The following KEAP1 variants were observed in gnomAD, a reference collection of about 807,000 sequenced individuals.
KEAP1 encodes kelch like ECH associated protein 1.
KEAP1 carries 26 observed loss-of-function variants against 59.7 expected under a neutral mutation model. The ratio of observed to expected loss-of-function variants is 0.44; its 90% CI spans 0.32 to 0.60. The LOEUF is 0.60. Ranked by LOEUF, KEAP1 falls within the 20% of genes least tolerant of loss-of-function variation. KEAP1 has a pLI of 0.06. For synonymous variants in KEAP1, 350 were observed against 358.3 expected, an observed-to-expected ratio of 0.98 and a Z score of 0.26; for missense variants, 539 against 871.4, an observed-to-expected ratio of 0.62 and a Z score of 4.80.
Position 10,495,922 on chromosome 19 carries a change from C to T in KEAP1, c.639+3473G>A, listed in dbSNP as rs115186452. ...TCTTGTAGCCAGGTGTGGTGGCTCACGCCTGTAATCCTGGTACTTTGGGAG... is the reference window on the plus strand; with the variant it reads ...TCTTGTAGCCAGGTGTGGTGGCTCATGCCTGTAATCCTGGTACTTTGGGAG... On this transcript the variant is annotated intron_variant, in intron 2 of 5. Transcript: ENST00000171111. Among the ~76,000 whole-genome samples, 290 of 152,060 alleles carry T rather than the reference C, an allele frequency of 1.9e-3. 1 individual carries two copies. The highest frequency in any genetic ancestry group is 4.4e-3 in the African/African-American group (182 of 41,504).
chr19:10,497,182 C>A (rs1018652078), intron 2 of KEAP1, among the ~76,000 whole-genome samples: 1 of 151,850 alleles, frequency 6.6e-6, no homozygotes, highest in African/African-American at 2.4e-5. Context: ...AATCTAGTAC[C>A]CCATGTTCAT....
Position 10,492,526 on chromosome 19 carries a change from TG to T in KEAP1, c.640-265del, listed in dbSNP as rs1914710094. ...GAGGTCAGGAGTTGAGAGACAAGCC[TG>T]GCCAATATGGTGAAACCCCATCTCT... is the stretch of plus-strand genomic sequence containing the variant. On this transcript the variant is annotated intron_variant, in intron 2 of 5. Coordinates refer to ENST00000171111, the MANE Select transcript of KEAP1 (RefSeq NM_203500.2). 6.7e-6 allele frequency: 3 copies of T among 449,664 alleles called. No homozygotes were observed. In the East Asian group the frequency reaches 1.3e-4, roughly 19 times the overall value. 27.9% of individuals were successfully genotyped at this position (449,664 alleles called of 1,614,324 possible).
intron 5 of KEAP1, 121 bp downstream of exon 5, chr19:10,489,071 G>A: frequency 1.2e-6 from 1 of 854,774 alleles, no homozygotes; most frequent in East Asian, 2.7e-5. Flanking sequence ...CTCCAGCTGG[G>A]CAACAGAGCG....
In KEAP1 at chr19:10,491,608, G is replaced by A. The variant is rs753179004; in HGVS notation, c.1294C>T (p.His432Tyr). 4 of 1,580,824 alleles carry A rather than the reference G, an allele frequency of 2.5e-6. No individual in the cohort carries two copies. The African/African-American group carries it at 4.1e-5, about 16-fold the overall frequency. ...ACACTGTTGTGGTGGATGCAGCCGT[G>A]GGAGCCGCCGACGGCATAGATGTGG... is the stretch of plus-strand genomic sequence containing the variant. ...DGHIYAVGGS[H>Y]GCIHHNSVER... is the part of the protein sequence containing the mutation. Residue 432 changes from histidine (H) to tyrosine (Y), a missense_variant, in exon 3 of 6, where the codon CAC becomes TAC. This residue lies in a region of KEAP1 where 311 missense variants were observed against 425.2 expected (regional missense o/e 0.73). Coordinates refer to ENST00000171111, the MANE Select transcript of KEAP1 (RefSeq NM_203500.2). This position sits in a 1 kb window ranked among gnomAD's most constrained non-coding sequence, Gnocchi z 5.2.
chr19:10,493,714 A>G (rs1186149500), intron 2 of KEAP1, among the ~76,000 whole-genome samples: 1 of 150,988 alleles, frequency 6.6e-6, no homozygotes, highest in East Asian at 2.0e-4. Context: ...GGGGCCCACC[A>G]CCGTGCCTGG....
Position 10,491,172 on chromosome 19 carries a change from G to A in KEAP1, c.1325+405C>T, listed in dbSNP as rs1175571657. Among the ~76,000 whole-genome samples, 1 of 152,016 alleles carries A rather than the reference G, an allele frequency of 6.6e-6. No individual in the cohort carries two copies. Among genetic ancestry groups the A allele is most frequent in the African/African-American group, 2.4e-5 (1 of 41,408 alleles). ...AGGCGAGGTTGCAGTGACCCAAGAT[G>A]CACTCCAGCCTGGGCAACAGAGCAA... On this transcript the variant is annotated intron_variant, in intron 3 of 5. Transcript: ENST00000171111. The surrounding 1 kb of genome is among the most constrained non-coding windows in gnomAD (Gnocchi z 5.2).
At position 10,499,662 on chromosome 19, in the gene KEAP1, G is replaced by A. The variant is rs2144627220; in HGVS notation, c.372C>T (p.Ser124=). Residue 124 remains serine, a synonymous_variant, in exon 2 of 6, where the codon TCC becomes TCT. Coordinates refer to ENST00000171111, the MANE Select transcript of KEAP1 (RefSeq NM_203500.2). The surrounding 1 kb of genome is among the most constrained non-coding windows in gnomAD (Gnocchi z 6.7). ...TGACCTTGGGGTGGATACCCTCAAT[G>A]GACACCACCTCCATGCCCTGCTCCC... ...GLREQGMEVV[S]IEGIHPKVME... The A allele has an allele frequency of 1.2e-6, 2 of 1,614,100 alleles. No homozygotes were observed. Among genetic ancestry groups the A allele is most frequent in the Non-Finnish European group, 8.5e-7 (1 of 1,180,034 alleles).
At chr19:10,489,434 CCTTG>C in intron 4 of KEAP1, 66 bp from the exon 5 acceptor site, 1 of 1,502,846 alleles carries the variant, frequency 6.7e-7, no homozygotes, top group Non-Finnish European at 9.1e-7. Flanking sequence ...GCCATCACCT[CCTTG>C]AGGGAGACCT....
rs1043488354 is a variant in KEAP1 at position 10,491,597 on chromosome 19, G to A, written c.1305C>T (p.Ile435=). ...IYAVGGSHGC[I]HHNSVERYEP... ...CTCACCTCTCCACACTGTTGTGGTG[G>A]ATGCAGCCGTGGGAGCCGCCGACGG... Residue 435 remains isoleucine (I), a synonymous_variant, in exon 3 of 6, where the codon ATC becomes ATT. Coordinates refer to ENST00000171111, the MANE Select transcript of KEAP1 (RefSeq NM_203500.2). This position sits in a 1 kb window ranked among gnomAD's most constrained non-coding sequence, Gnocchi z 5.2. 1 of 1,570,698 alleles carries A rather than the reference G, an allele frequency of 6.4e-7. No homozygotes were observed. Among genetic ancestry groups the A allele is most frequent in the East Asian group, 2.2e-5 (1 of 44,650 alleles).
chr19:10,502,909 C>T lies in KEAP1; in HGVS notation c.-48+332G>A, dbSNP rs1201725361. 3 of 152,146 alleles carry T rather than the reference C, an allele frequency of 2.0e-5. No individual in the cohort carries two copies. Among genetic ancestry groups the T allele is most frequent in the Admixed American group, 6.5e-5 (1 of 15,278 alleles). 9.4% of individuals were successfully genotyped at this position (152,146 alleles called of 1,614,324 possible). ...CACCCCCGCCCACGCCTGCTGTCGCCCAGCTGCGCGGCCACCACGGCGCCC... is the reference window on the plus strand; with the variant it reads ...CACCCCCGCCCACGCCTGCTGTCGCTCAGCTGCGCGGCCACCACGGCGCCC... On this transcript the variant is annotated intron_variant, in intron 1 of 5. Coordinates refer to ENST00000171111, the MANE Select transcript of KEAP1 (RefSeq NM_203500.2). The surrounding 1 kb of genome is among the most constrained non-coding windows in gnomAD (Gnocchi z 4.0).
chr19:10,488,673 C>G (rs7247667), intron 5 of KEAP1, among the ~76,000 whole-genome samples: 41,424 of 151,840 alleles, frequency 0.27, 5,845 homozygotes, highest in Middle Eastern at 0.38. Context: ...TGGCTCATGC[C>G]TCTAATCCTA....
chr19:10,494,525 C>T (rs1444778967), intron 2 of KEAP1, among the ~76,000 whole-genome samples: 5 of 150,622 alleles, frequency 3.3e-5, no homozygotes, highest in Admixed American at 2.7e-4. Context: ...TTAGTAGAGA[C>T]GGGATTTCAC....
chr19:10,496,143 C>T (rs1174975159), intron 2 of KEAP1, among the ~76,000 whole-genome samples: 2 of 144,140 alleles, frequency 1.4e-5, no homozygotes, highest in African/African-American at 2.6e-5. Context: ...AAGCAGAGAT[C>T]GTGCCACTGA....
At chr19:10,489,956 T>TTCGCGGCTGCCATCCACGATGTGG in intron 3 of KEAP1, 103 bp from the exon 4 acceptor site, 1 of 1,163,156 alleles carries the variant, frequency 8.6e-7, no homozygotes, top group Non-Finnish European at 1.2e-6. Context: ...TTTTCCCCCT[T>TTCGCGGCTGCCATCCACGATGTGG]AAAGAGACAG....
intron 5 of KEAP1, 49 bp downstream of exon 5, chr19:10,489,142 TC>T: frequency 9.9e-7 from 1 of 1,010,768 alleles, no homozygotes; most frequent in Non-Finnish European, 1.4e-6. Context: ...GCAAAAGCAG[TC>T]CACAAAAGAT....
In KEAP1 at chr19:10,502,924, C is replaced by T. The variant is rs918779217; in HGVS notation, c.-48+317G>A. Reference sequence around the variant, plus strand: ...CTGCTGTCGCCCAGCTGCGCGGCCACCACGGCGCCCAGCATGGCGGCGGGG... The same window carrying T: ...CTGCTGTCGCCCAGCTGCGCGGCCATCACGGCGCCCAGCATGGCGGCGGGG... On this transcript the variant is annotated intron_variant, in intron 1 of 5. Coordinates refer to ENST00000171111, the MANE Select transcript of KEAP1 (RefSeq NM_203500.2). This position sits in a 1 kb window ranked among gnomAD's most constrained non-coding sequence, Gnocchi z 4.0. 1 of 152,144 alleles carries T rather than the reference C, an allele frequency of 6.6e-6. No individual in the cohort carries two copies. The highest frequency in any genetic ancestry group is 1.5e-5 in the Non-Finnish European group (1 of 68,008). The allele number at this position is 152,144 out of a possible 1,614,324, so 9.4% of individuals were successfully genotyped here. A position where few individuals can be genotyped will look rare whatever the true frequency, so the allele number is the denominator to read the frequency against.
Position 10,499,262 on chromosome 19 carries a change from C to G in KEAP1, c.639+133G>C. Reference sequence around the variant, plus strand: ...AGCCCCTCAAACTGTGGAGACTACACCACCATACCCAGCCCAGAACCTCCT... The same window carrying G: ...AGCCCCTCAAACTGTGGAGACTACAGCACCATACCCAGCCCAGAACCTCCT... On this transcript the variant is annotated intron_variant, in intron 2 of 5. Coordinates refer to ENST00000171111, the MANE Select transcript of KEAP1 (RefSeq NM_203500.2). The surrounding 1 kb of genome is among the most constrained non-coding windows in gnomAD (Gnocchi z 6.7). 1.2e-6 allele frequency: 1 copy of G among 847,674 alleles called. No homozygotes were observed. Among genetic ancestry groups the G allele is most frequent in the Non-Finnish European group, 1.8e-6 (1 of 554,760 alleles). 52.5% of individuals were successfully genotyped at this position (847,674 alleles called of 1,614,324 possible). A position where few individuals can be genotyped will look rare whatever the true frequency, so the allele number is the denominator to read the frequency against.
At position 10,499,624 on chromosome 19, in the gene KEAP1, A is replaced by G. The variant is rs1914968369; in HGVS notation, c.410T>C (p.Ile137Thr). 6.2e-7 allele frequency: 1 copy of G among 1,614,044 alleles called. No homozygotes were observed. Among genetic ancestry groups the G allele is most frequent in the Non-Finnish European group, 8.5e-7 (1 of 1,180,028 alleles). ...GATGGAGGCCGTGTAGGCGAATTCA[A>G]TGAGGCGCTCCATGACCTTGGGGTG... ...GIHPKVMERLIEFAYTASISM... is the reference protein window; with the variant it reads ...GIHPKVMERLTEFAYTASISM... Residue 137 changes from isoleucine (I) to threonine (T), a missense_variant, in exon 2 of 6, where the codon ATT becomes ACT. Ile to Thr is a moderately conservative substitution (Grantham distance 89, BLOSUM62 -1). Around this residue, in one of 4 missense-constraint regions of KEAP1, gnomAD observed 166 missense variants for 295.8 expected, o/e 0.56. Coordinates refer to ENST00000171111, the MANE Select transcript of KEAP1 (RefSeq NM_203500.2). The surrounding 1 kb of genome is among the most constrained non-coding windows in gnomAD (Gnocchi z 6.7).
chr19:10,494,657 C>CT (rs111799495), intron 2 of KEAP1, among the ~76,000 whole-genome samples: 85 of 110,968 alleles, frequency 7.7e-4, no homozygotes, highest in East Asian at 2.1e-3. Context: ...CTGTTTGTTT[C>CT]TTTTTTTTTT....
Sources: gnomAD v4.1 joint callset for allele counts (sites outside exome capture counted in the v4.1 genomes callset) on GRCh38, gnomAD v4.1.1 for gene constraint, gnomAD v4.1.1 regional missense constraint, Gnocchi (gnomAD v3.1) non-coding constraint, MANE v1.5 for transcripts, NCBI Gene and HGNC (gene_info 2026-07-23, HGNC 2026-07-21) for gene names.